CCSER1: variants seen among roughly 807,000 people sequenced by gnomAD.
The protein encoded by CCSER1 is serine-rich coiled-coil domain-containing protein 1.
A neutral mutation model predicts 82.0 loss-of-function variants in CCSER1; 41 were observed. That is an observed-to-expected ratio of 0.50 (90% CI 0.39 to 0.65). The LOEUF is 0.65. Among genes scored for constraint, CCSER1 ranks in the 30% least tolerant of loss-of-function variants. The probability of loss-of-function intolerance (pLI) is 0.00; values close to 1 mark genes in which losing one functional copy is unlikely to be tolerated. For synonymous variants in CCSER1, 414 were observed against 383.9 expected, an observed-to-expected ratio of 1.08 and a Z score of -0.92; for missense variants, 1,119 against 1,064.2, an observed-to-expected ratio of 1.05 and a Z score of -0.72.
intron 7 of CCSER1, among the ~76,000 whole-genome samples, chr4:90,772,477 A>T (rs1210065150): frequency 6.6e-6 from 1 of 152,200 alleles, no homozygotes; most frequent in Non-Finnish European, 1.5e-5. Context: ...TATAACTTAC[A>T]GTCACTACTG....
At chr4:90,908,646 T>C (rs1327924478) in intron 8 of CCSER1, among the ~76,000 whole-genome samples, 1 of 152,128 alleles carries the variant, frequency 6.6e-6, no homozygotes, top group Non-Finnish European at 1.5e-5. Context: ...AGTGAAACTT[T>C]TTTGTACTGA....
intron 1 of CCSER1, among the ~76,000 whole-genome samples, chr4:90,296,865 T>C (rs1244887818): frequency 6.6e-6 from 1 of 152,180 alleles, no homozygotes; most frequent in Non-Finnish European, 1.5e-5. Flanking sequence ...TGTGTTTTGG[T>C]ACCAGTACCA....
chr4:90,207,631 T>C (rs1739135041), intron 1 of CCSER1, among the ~76,000 whole-genome samples: 1 of 152,182 alleles, frequency 6.6e-6, no homozygotes. Flanking sequence ...TCTTTGTGGA[T>C]GTATCTACCT....
intron 4 of CCSER1, among the ~76,000 whole-genome samples, chr4:90,434,343 C>T (rs1758725489): frequency 6.6e-6 from 1 of 152,010 alleles, no homozygotes; most frequent in African/African-American, 2.4e-5. Context: ...TTCTACCCTG[C>T]CCTGTTTTAA....
At chr4:90,904,108 G>A (rs965975558) in intron 8 of CCSER1, among the ~76,000 whole-genome samples, 2 of 151,690 alleles carry the variant, frequency 1.3e-5, no homozygotes, top group Non-Finnish European at 1.5e-5. Context: ...TTGACTCTTG[G>A]TCTTGGTTTT....
chr4:90,733,099 A>G (rs796806776), intron 7 of CCSER1, among the ~76,000 whole-genome samples: 4 of 152,042 alleles, frequency 2.6e-5, no homozygotes, highest in African/African-American at 9.6e-5. Context: ...TTCGTGAGGA[A>G]CCTCCAAGTT....
intron 8 of CCSER1, among the ~76,000 whole-genome samples, chr4:90,851,083 G>A (rs563070092): frequency 1.3e-5 from 2 of 152,198 alleles, no homozygotes; most frequent in African/African-American, 4.8e-5. Context: ...TTCTTCTACT[G>A]CCCTGTGAAG....
intron 1 of CCSER1, among the ~76,000 whole-genome samples, chr4:90,151,619 A>G (rs576568882): frequency 1.4e-3 from 210 of 152,242 alleles, no homozygotes; most frequent in African/African-American, 4.8e-3. Flanking sequence ...TGTGTGATTA[A>G]GAAAACTAAT....
intron 2 of CCSER1, among the ~76,000 whole-genome samples, 156 bp from the exon 3 acceptor site, chr4:90,312,707 T>C (rs773852915): frequency 7.2e-5 from 11 of 152,196 alleles, no homozygotes; most frequent in Admixed American, 2.0e-4. Flanking sequence ...GATTACATGA[T>C]TAAGTGAACT....
chr4:90,840,936 A>G (rs1414362160), intron 8 of CCSER1, among the ~76,000 whole-genome samples: 2 of 152,210 alleles, frequency 1.3e-5, no homozygotes, highest in African/African-American at 2.4e-5. Flanking sequence ...AGACAGTATC[A>G]TGTATTGCAT....
chr4:90,423,842 G>T (rs138800107), intron 4 of CCSER1, among the ~76,000 whole-genome samples: 4 of 150,418 alleles, frequency 2.7e-5, no homozygotes, highest in African/African-American at 9.7e-5. Flanking sequence ...GGTGGCTCAC[G>T]CCTGTAATCC....
intron 10 of CCSER1, among the ~76,000 whole-genome samples, chr4:91,333,964 GT>G (rs1747135626): frequency 6.6e-6 from 1 of 152,012 alleles, no homozygotes; most frequent in Non-Finnish European, 1.5e-5. Flanking sequence ...AGAAGCAAAA[GT>G]TACTGAGAAG....
intron 9 of CCSER1, among the ~76,000 whole-genome samples, chr4:91,050,224 A>C (rs1436994080): frequency 6.6e-6 from 1 of 152,162 alleles, no homozygotes; most frequent in Non-Finnish European, 1.5e-5. Context: ...TGAGGTCAGG[A>C]GTTCGAAGTC....
At position 91,256,042 on chromosome 4, in the gene CCSER1, A is replaced by G. The variant is rs529341791; in HGVS notation, c.2217+170048A>G. The stretch of plus-strand genomic sequence containing the variant: ...CAGTAACAAGAGTCATATTTCTCTT[A>G]TTACCAAAAATGAGTAAGAGAAATA... On this transcript the variant is annotated intron_variant, in intron 10 of 10. Coordinates refer to ENST00000509176, the MANE Select transcript of CCSER1 (RefSeq NM_001145065.2). Among the ~76,000 whole-genome samples the G allele has an allele frequency of 7.9e-5, 12 of 152,308 alleles. No homozygotes were observed. In the South Asian group the frequency reaches 2.1e-3, roughly 26 times the overall value.
At chr4:90,538,363 C>T (rs145199532) in intron 5 of CCSER1, among the ~76,000 whole-genome samples, 2 of 151,876 alleles carry the variant, frequency 1.3e-5, no homozygotes, top group East Asian at 3.9e-4. Context: ...TTTAATTTTC[C>T]TAGTTTTTTC....
chr4:90,824,938 A>G (rs963101035), intron 8 of CCSER1, among the ~76,000 whole-genome samples: 1 of 152,114 alleles, frequency 6.6e-6, no homozygotes, highest in Non-Finnish European at 1.5e-5. Flanking sequence ...AGCAGTAATT[A>G]CTCTCCTAGT....
chr4:90,571,108 G>A (rs989985668), intron 5 of CCSER1, among the ~76,000 whole-genome samples: 1 of 152,142 alleles, frequency 6.6e-6, no homozygotes, highest in African/African-American at 2.4e-5. Flanking sequence ...GCAGAGAAAA[G>A]GGAATGCTTA....
intron 1 of CCSER1, among the ~76,000 whole-genome samples, chr4:90,141,362 A>G (rs1418794760): frequency 3.3e-5 from 5 of 152,358 alleles, no homozygotes; most frequent in Admixed American, 3.3e-4. Flanking sequence ...ACAACTGGGC[A>G]TTATAGCCCA....
At chr4:90,419,860 T>C (rs1365445882) in intron 4 of CCSER1, among the ~76,000 whole-genome samples, 1 of 151,986 alleles carries the variant, frequency 6.6e-6, no homozygotes, top group Non-Finnish European at 1.5e-5. Flanking sequence ...TCATATGCTT[T>C]AACTATCCAG....
Sources: gnomAD v4.1 joint callset for allele counts (sites outside exome capture counted in the v4.1 genomes callset) on GRCh38, gnomAD v4.1.1 for gene constraint, MANE v1.5 for transcripts, NCBI Gene and HGNC (gene_info 2026-07-23, HGNC 2026-07-21) for gene names.